CRACR2A: variants seen among roughly 807,000 people sequenced by gnomAD.
CRACR2A encodes the protein EF-hand calcium-binding domain-containing protein 4B.
CRACR2A carries 79 observed loss-of-function variants against 90.5 expected under a neutral mutation model. The observed-to-expected ratio is 0.87, with a 90% confidence interval of 0.73 to 1.05. The LOEUF (loss-of-function observed/expected upper bound fraction) is 1.05, where lower values mean the gene tolerates loss of function less well. Among genes scored for constraint, CRACR2A ranks in the 50% least tolerant of loss-of-function variants. The probability of loss-of-function intolerance (pLI) is 0.00; values close to 1 mark genes in which losing one functional copy is unlikely to be tolerated. For missense variants in CRACR2A, 823 were observed against 897.2 expected, an observed-to-expected ratio of 0.92 and a Z score of 1.06; for synonymous variants, 338 against 356.7, an observed-to-expected ratio of 0.95 and a Z score of 0.59.
chr12:3,644,406 A>G (rs530372760), intron 12 of CRACR2A, among the ~76,000 whole-genome samples, 189 bp downstream of exon 12: 91 of 152,230 alleles, frequency 6.0e-4, no homozygotes, highest in Non-Finnish European at 1.1e-3. Flanking sequence ...TACTCTGTGG[A>G]AAATTAACAC....
At chr12:3,731,422 T>G (rs1490372084) in intron 2 of CRACR2A, 1 of 152,312 alleles carries the variant, frequency 6.6e-6, no homozygotes, top group African/African-American at 2.4e-5. Flanking sequence ...GTTCCTCCTC[T>G]GGAGCACAGC....
intron 4 of CRACR2A, among the ~76,000 whole-genome samples, chr12:3,688,679 T>C (rs905251815): frequency 6.6e-6 from 1 of 152,244 alleles, no homozygotes; most frequent in Non-Finnish European, 1.5e-5. Flanking sequence ...TGAGCTCTTT[T>C]GGTTCCATAT....
At chr12:3,638,007 A>T in intron 14 of CRACR2A, 117 bp downstream of exon 14, 1 of 999,976 alleles carries the variant, frequency 1.0e-6, no homozygotes, top group Non-Finnish European at 1.4e-6. Context: ...ATATGTGGTG[A>T]ATCATAAGAC....
intron 15 of CRACR2A, among the ~76,000 whole-genome samples, chr12:3,630,560 G>A (rs886835327): frequency 3.9e-5 from 6 of 152,206 alleles, no homozygotes; most frequent in East Asian, 1.9e-4. Flanking sequence ...TTAACACAGG[G>A]AGGTTGTGAA....
chr12:3,716,450 C>T (rs1472729766), intron 2 of CRACR2A, among the ~76,000 whole-genome samples: 1 of 152,184 alleles, frequency 6.6e-6, no homozygotes, highest in Non-Finnish European at 1.5e-5. Context: ...GGAAAGTTTG[C>T]TCAGTTTTAA....
chr12:3,748,983 A>G (rs1389448462), intron 1 of CRACR2A, among the ~76,000 whole-genome samples: 1 of 152,198 alleles, frequency 6.6e-6, no homozygotes, highest in Non-Finnish European at 1.5e-5. Context: ...GAGCCAATGG[A>G]GCATAACGCT....
chr12:3,726,701 T>C (rs1373843412), intron 2 of CRACR2A: 1 of 151,924 alleles, frequency 6.6e-6, no homozygotes, highest in Non-Finnish European at 1.5e-5. Flanking sequence ...GTCTTACGTA[T>C]AAGTGTAGCG....
intron 3 of CRACR2A, among the ~76,000 whole-genome samples, chr12:3,698,515 GC>G (rs765871779): frequency 1.3e-4 from 20 of 152,332 alleles, no homozygotes; most frequent in Non-Finnish European, 2.2e-4. Flanking sequence ...AGAGCTCCTG[GC>G]CTCAGGAATG....
chr12:3,638,361 G>T lies in CRACR2A; in HGVS notation c.1365C>A (p.Thr455=). The T allele has an allele frequency of 6.4e-7, 1 of 1,551,576 alleles. No individual in the cohort carries two copies. The highest frequency in any genetic ancestry group is 1.2e-5 in the South Asian group (1 of 84,062). ...ACGGACCCCCAGGCCCTGGCTCCCCGGTTCCTGGCTCCTCTTCTGTTAGGG... is the reference window on the plus strand; with the variant it reads ...ACGGACCCCCAGGCCCTGGCTCCCCTGTTCCTGGCTCCTCTTCTGTTAGGG... ...GYPLTEEEPG[T]GEPGPGGPYP... Residue 455 remains threonine (T), a synonymous_variant, in exon 14 of 20, where the codon ACC becomes ACA. Coordinates refer to ENST00000440314, the MANE Select transcript of CRACR2A (RefSeq NM_001144958.2).
intron 19 of CRACR2A, 49 bp from the exon 20 acceptor site, chr12:3,615,488 C>G: frequency 6.8e-7 from 1 of 1,470,674 alleles, no homozygotes; most frequent in Non-Finnish European, 9.2e-7. Context: ...TTGATAGGCC[C>G]AGGGGCTGGC....
chr12:3,632,361 C>T (rs978727083), intron 15 of CRACR2A, among the ~76,000 whole-genome samples: 6 of 152,184 alleles, frequency 3.9e-5, no homozygotes, highest in Non-Finnish European at 5.9e-5. Flanking sequence ...AATACAGGTA[C>T]CCAGTTACAA....
rs764325464 is a variant in CRACR2A at position 3,654,313 on chromosome 12, C to A, written c.945G>T (p.Leu315=). The A allele has an allele frequency of 2.5e-6, 4 of 1,614,106 alleles. No individual in the cohort carries two copies. The South Asian group carries it at 4.4e-5, about 18-fold the overall frequency. ...AGGAAGTCCGCTCCAGCTCCCGGGC[C>A]AGCTCCTGGTTAGTGAGTTTCAGCT... ...NTKLKLTNQE[L]ARELERTSWE... is the part of the protein sequence containing the mutation. Residue 315 remains leucine (L), a synonymous_variant, in exon 10 of 20, where the codon CTG becomes CTT. Coordinates refer to ENST00000440314, the MANE Select transcript of CRACR2A (RefSeq NM_001144958.2).
chr12:3,672,640 G>A, intron 7 of CRACR2A: 3 of 504,688 alleles, frequency 5.9e-6, no homozygotes, highest in Non-Finnish European at 5.1e-6. Flanking sequence ...TTTGTTAAAG[G>A]ACTATGAACA....
chr12:3,628,858 G>A (rs1944327264), intron 15 of CRACR2A, among the ~76,000 whole-genome samples: 2 of 152,102 alleles, frequency 1.3e-5, no homozygotes, highest in Non-Finnish European at 2.9e-5. Flanking sequence ...AAATGGAAAC[G>A]GTCATCCCAG....
rs141401323 is a variant in CRACR2A at position 3,671,607 on chromosome 12, G to A, written c.671+1839C>T. 2.3e-3 allele frequency among the ~76,000 whole-genome samples: 345 copies of A among 152,250 alleles called. 2 individuals carry two copies. The highest frequency in any genetic ancestry group is 3.9e-3 in the Non-Finnish European group (267 of 68,038). On this transcript the variant is annotated intron_variant, in intron 7 of 19. Transcript: ENST00000440314. Reference sequence around the variant, plus strand: ...TGTTTCCAGGTGACGCCAATGTTGCGGGTCCATGGACTACACTTTCAACAG... The same window carrying A: ...TGTTTCCAGGTGACGCCAATGTTGCAGGTCCATGGACTACACTTTCAACAG...
chr12:3,748,968 G>A (rs1308724404), intron 1 of CRACR2A, among the ~76,000 whole-genome samples: 1 of 152,214 alleles, frequency 6.6e-6, no homozygotes, highest in Non-Finnish European at 1.5e-5. Flanking sequence ...CTGTTGGTGA[G>A]TAGAGAGCCA....
chr12:3,666,337 G>GCGTGTT (rs1945140425), intron 7 of CRACR2A, among the ~76,000 whole-genome samples: 1 of 134,708 alleles, frequency 7.4e-6, no homozygotes, highest in African/African-American at 2.9e-5. Context: ...CTGCGTGTGT[G>GCGTGTT]TGTGTGTGTG....
At chr12:3,687,003 C>T (rs1409439844) in intron 4 of CRACR2A, among the ~76,000 whole-genome samples, 3 of 152,128 alleles carry the variant, frequency 2.0e-5, no homozygotes, top group Non-Finnish European at 4.4e-5. Context: ...CTTAAGCACC[C>T]TGCCCTTTCT....
chr12:3,732,999 T>C lies in CRACR2A; in HGVS notation c.-175A>G, dbSNP rs1322046423. On this transcript the variant is annotated 5_prime_UTR_variant, in exon 2 of 20. Coordinates refer to ENST00000440314, the MANE Select transcript of CRACR2A (RefSeq NM_001144958.2). ...GGCAGGAGAGGAGGCAGCACACCTG[T>C]GTTGAATTCTCCTGGCACTCCTGCT... 6.6e-6 allele frequency: 1 copy of C among 152,318 alleles called. No homozygotes were observed. Among genetic ancestry groups the C allele is most frequent in the African/African-American group, 2.4e-5 (1 of 41,458 alleles). The allele number at this position is 152,318 out of a possible 1,614,324, so 9.4% of individuals were successfully genotyped here. A position where few individuals can be genotyped will look rare whatever the true frequency, so the allele number is the denominator to read the frequency against.
Sources: allele counts gnomAD v4.1 joint callset (sites outside exome capture counted in the v4.1 genomes callset), GRCh38; gene constraint gnomAD v4.1.1; transcripts MANE v1.5; gene names NCBI Gene and HGNC (gene_info 2026-07-23, HGNC 2026-07-21).